The following SLC39A11 variants were observed in gnomAD, a reference collection of about 807,000 sequenced individuals.
SLC39A11 encodes the protein solute carrier family 39 member 11.
Under a neutral mutation model 36.1 loss-of-function variants are expected in SLC39A11, and 33 were observed. The observed-to-expected ratio is 0.91, with a 90% CI of 0.69 to 1.22. The LOEUF is 1.22. Among genes scored for constraint, SLC39A11 ranks in the 50% most tolerant of loss-of-function variants. The probability of loss-of-function intolerance (pLI) is 0.00; values close to 1 mark genes in which losing one functional copy is unlikely to be tolerated. For missense variants in SLC39A11, 432 were observed against 430.3 expected, an observed-to-expected ratio of 1.00 and a Z score of -0.03; for synonymous variants, 166 against 170.3, an observed-to-expected ratio of 0.97 and a Z score of 0.20.
chr17:72,695,990 C>G (rs1042441470), intron 7 of SLC39A11, among the ~76,000 whole-genome samples: 2 of 152,232 alleles, frequency 1.3e-5, no homozygotes, highest in African/African-American at 4.8e-5. Context: ...ATTTGTTAGG[C>G]AGCCACAGGA....
At chr17:72,776,951 G>A (rs2076157391) in intron 6 of SLC39A11, among the ~76,000 whole-genome samples, 1 of 152,102 alleles carries the variant, frequency 6.6e-6, no homozygotes, top group South Asian at 2.1e-4. Flanking sequence ...ATGGCTAAAT[G>A]ACCTCTCTCA....
intron 4 of SLC39A11, among the ~76,000 whole-genome samples, chr17:72,985,132 C>T (rs952775417): frequency 4.6e-5 from 7 of 152,278 alleles, no homozygotes; most frequent in South Asian, 2.1e-4. Flanking sequence ...ACGTGGCTGA[C>T]GCCACTCCAC....
chr17:72,701,966 T>G (rs1020483238), intron 7 of SLC39A11, among the ~76,000 whole-genome samples: 2 of 152,232 alleles, frequency 1.3e-5, no homozygotes, highest in African/African-American at 4.8e-5. Flanking sequence ...ATTAGCCAGC[T>G]GTGGTGGTGC....
intron 6 of SLC39A11, among the ~76,000 whole-genome samples, chr17:72,753,759 T>G (rs2144376877): frequency 6.6e-6 from 1 of 151,996 alleles, no homozygotes; most frequent in Admixed American, 6.6e-5. Flanking sequence ...CAAGTCTGTT[T>G]CCCTAACAGG....
intron 3 of SLC39A11, 47 bp from the exon 4 acceptor site, chr17:73,031,761 G>A (rs781218854): frequency 1.1e-5 from 17 of 1,595,622 alleles, no homozygotes; most frequent in Non-Finnish European, 1.5e-5. Flanking sequence ...ACTGCAGAAG[G>A]CTTTCCAGGC....
At chr17:72,669,912 A>G (rs1240518547) in intron 7 of SLC39A11, among the ~76,000 whole-genome samples, 1 of 150,904 alleles carries the variant, frequency 6.6e-6, no homozygotes, top group Non-Finnish European at 1.5e-5. Context: ...ATATATACGT[A>G]TAGATGTATA....
intron 6 of SLC39A11, among the ~76,000 whole-genome samples, chr17:72,788,887 C>T (rs778633148): frequency 3.1e-4 from 47 of 152,352 alleles, no homozygotes; most frequent in Admixed American, 4.6e-4. Flanking sequence ...GCAACTGAAG[C>T]GTGACCACAG....
At chr17:72,971,168 C>T (rs1295465090) in intron 4 of SLC39A11, among the ~76,000 whole-genome samples, 1 of 152,180 alleles carries the variant, frequency 6.6e-6, no homozygotes, top group African/African-American at 2.4e-5. Context: ...AATAACCACT[C>T]ATTTACTATG....
At chr17:72,865,860 G>C (rs1035920479) in intron 5 of SLC39A11, among the ~76,000 whole-genome samples, 1 of 152,050 alleles carries the variant, frequency 6.6e-6, no homozygotes. Context: ...GAACCCACTC[G>C]AACAACTACA....
intron 5 of SLC39A11, among the ~76,000 whole-genome samples, chr17:72,915,314 C>A (rs879349250): frequency 6.6e-6 from 1 of 152,188 alleles, no homozygotes; most frequent in Admixed American, 6.5e-5. Flanking sequence ...ACTAGGGACA[C>A]CCCTGTAGCC....
intron 3 of SLC39A11, among the ~76,000 whole-genome samples, chr17:73,050,618 C>T (rs1263632035): frequency 1.3e-5 from 2 of 152,104 alleles, no homozygotes; most frequent in Admixed American, 6.6e-5. Flanking sequence ...CACGCACCAC[C>T]ACACCCAGCG....
At chr17:72,791,416 C>A (rs2076698714) in intron 6 of SLC39A11, among the ~76,000 whole-genome samples, 1 of 152,200 alleles carries the variant, frequency 6.6e-6, no homozygotes, top group Non-Finnish European at 1.5e-5. Context: ...AGTGTCACTG[C>A]ACTCCAGACT....
At chr17:72,819,572 C>A (rs561353446) in intron 6 of SLC39A11, among the ~76,000 whole-genome samples, 48 of 151,422 alleles carry the variant, frequency 3.2e-4, no homozygotes, top group African/African-American at 1.1e-3. Flanking sequence ...ACAAAAGTAA[C>A]ACTAAGAGCG....
intron 5 of SLC39A11, among the ~76,000 whole-genome samples, chr17:72,918,214 G>C (rs1019982492): frequency 1.3e-5 from 2 of 152,144 alleles, no homozygotes; most frequent in Non-Finnish European, 2.9e-5. Context: ...TCCGAGACCA[G>C]CCAGGCCAAC....
intron 3 of SLC39A11, among the ~76,000 whole-genome samples, chr17:73,032,136 C>T (rs1319379748): frequency 6.6e-6 from 1 of 151,922 alleles, no homozygotes; most frequent in African/African-American, 2.4e-5. Flanking sequence ...CTACAATGCA[C>T]AGCACACCCC....
intron 7 of SLC39A11, among the ~76,000 whole-genome samples, chr17:72,699,154 C>T (rs913584970): frequency 1.3e-5 from 2 of 152,026 alleles, no homozygotes; most frequent in African/African-American, 4.8e-5. Context: ...GGGAGGGGAC[C>T]GAAATCACTC....
chr17:72,908,432 G>C (rs991716385), intron 5 of SLC39A11, among the ~76,000 whole-genome samples: 1 of 152,170 alleles, frequency 6.6e-6, no homozygotes, highest in Non-Finnish European at 1.5e-5. Flanking sequence ...TGGCCACTTC[G>C]GGGCCAAAAC....
chr17:72,846,016 CTCTTTTT>C (rs1435444290), intron 6 of SLC39A11, among the ~76,000 whole-genome samples: 3 of 85,314 alleles, frequency 3.5e-5, no homozygotes, highest in East Asian at 3.0e-4. Context: ...CTCTCTCTCT[CTCTTTTT>C]TTTTTTTTTT....
At chr17:72,764,634 C>A (rs1161014176) in intron 6 of SLC39A11, among the ~76,000 whole-genome samples, 1 of 152,114 alleles carries the variant, frequency 6.6e-6, no homozygotes, top group Non-Finnish European at 1.5e-5. Context: ...TGGCTGCACC[C>A]GGTGAGGGCT....
Sources: gnomAD v4.1 joint callset for allele counts (sites outside exome capture counted in the v4.1 genomes callset) on GRCh38, gnomAD v4.1.1 for gene constraint, MANE v1.5 for transcripts, NCBI Gene and HGNC (gene_info 2026-07-23, HGNC 2026-07-21) for gene names.